ACSF3: variants seen among roughly 807,000 people sequenced by gnomAD.
ACSF3 encodes malonate--CoA ligase ACSF3, mitochondrial.
A neutral mutation model predicts 53.2 loss-of-function variants in ACSF3; 78 were observed. The observed-to-expected ratio is 1.47, with a 90% CI of 1.22 to 1.77. ACSF3 has a LOEUF of 1.77. Ranked by LOEUF, ACSF3 falls within the 40% of genes most tolerant of loss-of-function variation. ACSF3 has a pLI of 0.00. For missense variants in ACSF3, 937 were observed against 771.1 expected, an observed-to-expected ratio of 1.22 and a Z score of -2.55; for synonymous variants, 414 against 333.1, an observed-to-expected ratio of 1.24 and a Z score of -2.65.
chr16:89,145,946 G>A lies in ACSF3; in HGVS notation c.1510G>A (p.Val504Met), dbSNP rs1265028269. ...TGTTCTTCTATCCGCAGATGTGGCT[G>A]TGATTGGAGTTCCGGATATGACATG... ...LAHPSITDVA[V>M]IGVPDMTWGQ... is the part of the protein sequence containing the mutation. The change falls in exon 10 of 11, where the codon GTG becomes ATG. Residue 504 changes from valine to methionine, a missense_variant. Transcript: ENST00000614302. 4 of 1,613,598 alleles carry A rather than the reference G, an allele frequency of 2.5e-6. No individual in the cohort carries two copies. The highest frequency in any genetic ancestry group is 2.7e-5 in the African/African-American group (2 of 74,938).
rs537409560 is a variant in ACSF3 at position 89,124,794 on chromosome 16, G to A, written c.1239+3881G>A. On this transcript the variant is annotated intron_variant, in intron 7 of 10. Transcript: ENST00000614302. ...ACACCTGTGCGCACACTGCATGTGT[G>A]TGTGATATTTGTTGAAAAGACTACC... Among the ~76,000 whole-genome samples the A allele has an allele frequency of 4.1e-3, 622 of 152,378 alleles. 4 individuals are homozygous for A. The highest frequency in any genetic ancestry group is 0.02 in the Middle Eastern group (6 of 294).
At chr16:89,139,146 A>G (rs576769644) in intron 8 of ACSF3, among the ~76,000 whole-genome samples, 2 of 152,270 alleles carry the variant, frequency 1.3e-5, no homozygotes, top group Admixed American at 6.5e-5. Context: ...CTGAGAACTG[A>G]GCCCAGGAGA....
chr16:89,139,784 G>A (rs145942821), intron 8 of ACSF3, among the ~76,000 whole-genome samples: 4 of 151,888 alleles, frequency 2.6e-5, no homozygotes, highest in East Asian at 3.9e-4. Context: ...TAGTAGAGAC[G>A]GGGTTTCACC....
chr16:89,131,934 C>T (rs1006831954), intron 7 of ACSF3, among the ~76,000 whole-genome samples: 5 of 152,358 alleles, frequency 3.3e-5, no homozygotes, highest in South Asian at 4.1e-4. Flanking sequence ...CCGTGGGTGG[C>T]GTCAGCCCCT....
At chr16:89,124,069 A>T (rs1907349617) in intron 7 of ACSF3, among the ~76,000 whole-genome samples, 1 of 3,418 alleles carries the variant, frequency 2.9e-4, no homozygotes, top group Non-Finnish European at 1.2e-3. Flanking sequence ...AACGGGTATC[A>T]CACACATGCC....
chr16:89,155,054 C>T lies in ACSF3; in HGVS notation c.*847C>T, dbSNP rs1567759679. ...TCCCCAGACCCAGCTCCGGAGCCCA[C>T]AGGCGTGGCCGATGCAGAAACCTCA... On this transcript the variant is annotated 3_prime_UTR_variant, in exon 11 of 11. Coordinates refer to ENST00000614302, the MANE Select transcript of ACSF3 (RefSeq NM_001243279.3). 8.8e-6 allele frequency: 4 copies of T among 454,018 alleles called. No individual in the cohort carries two copies. Among genetic ancestry groups the T allele is most frequent in the South Asian group, 1.6e-5 (1 of 64,478 alleles). The allele number at this position is 454,018 out of a possible 1,614,324, so 28.1% of individuals were successfully genotyped here. A position where few individuals can be genotyped will look rare whatever the true frequency, so the allele number is the denominator to read the frequency against.
rs552196056 is a variant in ACSF3, at chr16:89,094,053, G to A, written c.-194+57G>A. 0.011 allele frequency: 1,680 copies of A among 150,808 alleles called. 24 individuals carry two copies. Among genetic ancestry groups the A allele is most frequent in the South Asian group, 0.038 (184 of 4,858 alleles). 9.3% of individuals were successfully genotyped at this position (150,808 alleles called of 1,614,324 possible). On this transcript the variant is annotated intron_variant, in intron 1 of 10. Coordinates refer to ENST00000614302, the MANE Select transcript of ACSF3 (RefSeq NM_001243279.3). Reference sequence around the variant, plus strand: ...GGGGTCGGCCGGGCGCAGAGCTCTCGGGGGCGCGGGCTCCGGCGCCCGCCC... The same window carrying A: ...GGGGTCGGCCGGGCGCAGAGCTCTCAGGGGCGCGGGCTCCGGCGCCCGCCC...
intron 1 of ACSF3, chr16:89,095,095 A>C (rs1175199400): frequency 1.3e-5 from 2 of 152,258 alleles, no homozygotes; most frequent in South Asian, 4.1e-4. Flanking sequence ...GGGGGTTCAC[A>C]TGGTGGACCC....
At position 89,101,284 on chromosome 16, in the gene ACSF3, C is replaced by T; in HGVS notation, c.603C>T (p.Tyr201=). The change falls in exon 3 of 11, where the codon TAC becomes TAT. Residue 201 remains tyrosine (Y), a synonymous_variant. Transcript: ENST00000614302. ...GGAACAAGGGCGCCATGATCATCTA[C>T]ACCAGTGGGACCACGGGGAGGCCCA... ...GWRNKGAMII[Y]TSGTTGRPKG... The T allele has an allele frequency of 6.2e-7, 1 of 1,602,800 alleles. No individual in the cohort carries two copies. The highest frequency in any genetic ancestry group is 8.5e-7 in the Non-Finnish European group (1 of 1,175,222).
chr16:89,113,625 T>G (rs1030550531), intron 5 of ACSF3: 4 of 154,594 alleles, frequency 2.6e-5, no homozygotes, highest in Non-Finnish European at 5.8e-5. Context: ...TGGTGCCTCC[T>G]CGTAAAGCAG....
chr16:89,105,159 CTTCAGTCCTTAT>C (rs1975819249), intron 4 of ACSF3, among the ~76,000 whole-genome samples: 1 of 144,110 alleles, frequency 6.9e-6, no homozygotes, highest in Admixed American at 7.2e-5. Flanking sequence ...TTCTTGTTGG[CTTCAGTCCTTAT>C]TTTTCACAGA....
chr16:89,136,005 C>T (rs972552549), intron 8 of ACSF3, among the ~76,000 whole-genome samples: 3 of 152,238 alleles, frequency 2.0e-5, no homozygotes, highest in Admixed American at 6.5e-5. Flanking sequence ...GAGCTCCTGG[C>T]CTCAGGTGAT....
intron 3 of ACSF3, among the ~76,000 whole-genome samples, chr16:89,102,101 G>A (rs775865066): frequency 6.6e-6 from 1 of 152,256 alleles, no homozygotes; most frequent in African/African-American, 2.4e-5. Context: ...TCAGTGGGCC[G>A]TGCCTCACGC....
intron 3 of ACSF3, 147 bp downstream of exon 3, chr16:89,101,494 C>T (rs992608722): frequency 4.4e-5 from 66 of 1,495,574 alleles, no homozygotes; most frequent in East Asian, 3.4e-4. Flanking sequence ...GATACAGGGA[C>T]GCAGGCCCTC....
rs1457765074 is a variant in ACSF3, at chr16:89,120,855, C to T, written c.1181C>T (p.Pro394Leu). The change falls in exon 7 of 11, where the codon CCA becomes CTA. Residue 394 changes from proline to leucine, a missense_variant. Transcript: ENST00000614302. ...GVQVRIVSEN[P>L]QREACSYTIH... is the part of the protein sequence containing the mutation. ...CAGGTGCGCATTGTCTCAGAAAACC[C>T]ACAGAGGGAAGCCTGCTCCTACACC... 1 of 1,614,142 alleles carries T rather than the reference C, an allele frequency of 6.2e-7. No individual in the cohort carries two copies.
chr16:89,137,657 G>A (rs1298491679), intron 8 of ACSF3, among the ~76,000 whole-genome samples: 3 of 151,342 alleles, frequency 2.0e-5, no homozygotes, highest in African/African-American at 7.3e-5. Flanking sequence ...AGGACTGAGG[G>A]GAAGAGCCCC....
chr16:89,144,713 T>C (rs568242503), intron 8 of ACSF3, among the ~76,000 whole-genome samples: 36 of 152,326 alleles, frequency 2.4e-4, no homozygotes, highest in Middle Eastern at 3.4e-3. Flanking sequence ...GGGCTCCGTC[T>C]GGGGGCCCTT....
intron 4 of ACSF3, 141 bp downstream of exon 4, chr16:89,102,900 G>C (rs1975529975): frequency 2.4e-6 from 3 of 1,248,004 alleles, no homozygotes; most frequent in Admixed American, 4.0e-5. Context: ...CCTCAGACTA[G>C]GCATCTTTTC....
At chr16:89,126,114 T>C (rs1013108584) in intron 7 of ACSF3, among the ~76,000 whole-genome samples, 1 of 152,240 alleles carries the variant, frequency 6.6e-6, no homozygotes, top group Admixed American at 6.5e-5. Flanking sequence ...TTAGATATAC[T>C]TTGGTTTCTT....
Sources: gnomAD v4.1 joint callset for allele counts (sites outside exome capture counted in the v4.1 genomes callset) on GRCh38, gnomAD v4.1.1 for gene constraint, MANE v1.5 for transcripts, NCBI Gene and HGNC (gene_info 2026-07-23, HGNC 2026-07-21) for gene names.